Variants in ST8SIA6 observed in about 807,000 individuals in gnomAD.
ST8SIA6 encodes the protein ST8 alpha-N-acetyl-neuraminide alpha-2,8-sialyltransferase 6, also known as alpha-2,8-sialyltransferase 8F.
Under a neutral mutation model 33.6 loss-of-function variants are expected in ST8SIA6, and 39 were observed. The observed-to-expected ratio is 1.16, with a 90% CI of 0.90 to 1.52. The LOEUF is 1.52. Ranked by LOEUF, ST8SIA6 falls within the 40% of genes most tolerant of loss-of-function variation. The pLI, the probability that ST8SIA6 is intolerant of heterozygous loss-of-function variation, is 0.00. For missense variants in ST8SIA6, 441 were observed against 443.8 expected, an observed-to-expected ratio of 0.99 and a Z score of 0.06; for synonymous variants, 172 against 167.2, an observed-to-expected ratio of 1.03 and a Z score of -0.22.
Position 17,423,446 on chromosome 10 carries a change from C to G in ST8SIA6, c.200+30113G>C, listed in dbSNP as rs79633084. 2.0e-5 allele frequency among the ~76,000 whole-genome samples: 3 copies of G among 152,270 alleles called. No individual in the cohort carries two copies. In the East Asian group the frequency reaches 5.8e-4, roughly 29 times the overall value. On this transcript the variant is annotated intron_variant, in intron 2 of 7. Coordinates refer to ENST00000377602, the MANE Select transcript of ST8SIA6 (RefSeq NM_001004470.3). ...CAACTAGCTCCATGAGTCTAGAGAC[C>G]TCATGTCTGTTTGGTTCTTTGCATG...
intron 2 of ST8SIA6, among the ~76,000 whole-genome samples, chr10:17,403,934 G>T (rs947913685): frequency 6.6e-6 from 1 of 151,918 alleles, no homozygotes; most frequent in African/African-American, 2.4e-5. Flanking sequence ...GTGTGGTGGT[G>T]CATGCCTTTA....
Position 17,454,197 on chromosome 10 carries a change from AGC to A in ST8SIA6, c.57_58del (p.Leu20AlafsTer46). On this transcript the variant is annotated frameshift_variant, in exon 1 of 8. Transcript: ENST00000377602. LOFTEE classifies it high-confidence loss of function. This position sits in a 1 kb window ranked among gnomAD's most constrained non-coding sequence, Gnocchi z 4.1. ...GTCTGCCGGGCACCAGAGCAGGCGC[AGC>A]AGCAGCAGCAGCAGCAGGCTGGCGA... The A allele has an allele frequency of 4.4e-6, 1 of 227,594 alleles. No individual in the cohort carries two copies. Among genetic ancestry groups the A allele is most frequent in the South Asian group, 1.4e-4 (1 of 6,908 alleles). 14.1% of individuals were successfully genotyped at this position (227,594 alleles called of 1,614,324 possible). A position where few individuals can be genotyped will look rare whatever the true frequency, so the allele number is the denominator to read the frequency against.
intron 2 of ST8SIA6, among the ~76,000 whole-genome samples, chr10:17,420,929 A>G (rs948659163): frequency 6.6e-6 from 1 of 152,164 alleles, no homozygotes; most frequent in African/African-American, 2.4e-5. Flanking sequence ...GCAAAGGGGG[A>G]AGTGCCCACA....
At chr10:17,438,331 A>G (rs1264446062) in intron 2 of ST8SIA6, among the ~76,000 whole-genome samples, 1 of 152,336 alleles carries the variant, frequency 6.6e-6, no homozygotes, top group East Asian at 1.9e-4. Context: ...ATTAAACCGA[A>G]TCACCTAGAT....
chr10:17,407,973 A>G (rs1014091336), intron 2 of ST8SIA6: 5 of 152,640 alleles, frequency 3.3e-5, no homozygotes, highest in African/African-American at 1.2e-4. Context: ...TTCAGATAAA[A>G]ATCATAATAA....
chr10:17,390,801 A>AAAAAAC (rs887639791), intron 2 of ST8SIA6, among the ~76,000 whole-genome samples, 181 bp from the exon 3 acceptor site: 1 of 151,194 alleles, frequency 6.6e-6, no homozygotes, highest in Non-Finnish European at 1.5e-5. Flanking sequence ...GTCTAAATGA[A>AAAAAAC]AAAAAAAACA....
intron 5 of ST8SIA6, 60 bp from the exon 6 acceptor site, chr10:17,327,186 C>T (rs1332020560): frequency 3.1e-6 from 4 of 1,270,250 alleles, no homozygotes; most frequent in Non-Finnish European, 3.3e-6. Flanking sequence ...CCATAGACAA[C>T]AGCTTAATTC....
chr10:17,380,863 GTGTT>G (rs1177708747), intron 3 of ST8SIA6, among the ~76,000 whole-genome samples: 3 of 151,582 alleles, frequency 2.0e-5, no homozygotes, highest in East Asian at 1.9e-4. Context: ...TTGTGTGTAT[GTGTT>G]TGTATGTGTA....
At chr10:17,326,896 G>T in intron 6 of ST8SIA6, 118 bp downstream of exon 6, 1 of 655,470 alleles carries the variant, frequency 1.5e-6, no homozygotes, top group Non-Finnish European at 2.3e-6. Flanking sequence ...CGGGTAATTT[G>T]TAGACTTTTG....
intron 2 of ST8SIA6, among the ~76,000 whole-genome samples, chr10:17,414,607 C>T (rs751474654): frequency 3.3e-5 from 5 of 152,156 alleles, no homozygotes; most frequent in Admixed American, 6.5e-5. Flanking sequence ...TCGTTGGTAC[C>T]TGGTGAGGGC....
chr10:17,318,973 C>T lies in ST8SIA6; in HGVS notation c.*1905G>A, dbSNP rs115427071. ...GAAAATGTTAGGATTCAATGAGGCA[C>T]TGTGTCTTTTACTCCCTTTAGTTCT... is the stretch of plus-strand genomic sequence containing the variant. On this transcript the variant is annotated 3_prime_UTR_variant, in exon 8 of 8. Transcript: ENST00000377602. Among the ~76,000 whole-genome samples, 295 of 152,270 alleles carry T rather than the reference C, an allele frequency of 1.9e-3. 1 individual carries two copies. The highest frequency in any genetic ancestry group is 6.8e-3 in the African/African-American group (282 of 41,558).
chr10:17,334,111 T>C, intron 4 of ST8SIA6, among the ~76,000 whole-genome samples: 1 of 151,888 alleles, frequency 6.6e-6, no homozygotes, highest in East Asian at 1.9e-4. Flanking sequence ...TAAACACACT[T>C]AGGTAGGGAC....
chr10:17,424,172 C>T (rs988671012), intron 2 of ST8SIA6, among the ~76,000 whole-genome samples: 1 of 150,616 alleles, frequency 6.6e-6, no homozygotes, highest in South Asian at 2.1e-4. Context: ...GGTGCAATCT[C>T]AGCTCACTGC....
At chr10:17,429,849 A>G (rs572581411) in intron 2 of ST8SIA6, among the ~76,000 whole-genome samples, 13 of 152,158 alleles carry the variant, frequency 8.5e-5, no homozygotes, top group African/African-American at 2.4e-4. Context: ...AGCATCTGGT[A>G]CCTTCTTCTA....
intron 2 of ST8SIA6, among the ~76,000 whole-genome samples, chr10:17,399,376 G>C (rs1850948532): frequency 6.6e-6 from 1 of 152,108 alleles, no homozygotes; most frequent in Non-Finnish European, 1.5e-5. Flanking sequence ...TCTATGTTTT[G>C]GTGAATGCCA....
chr10:17,376,992 CAT>C (rs2131638992), intron 3 of ST8SIA6, among the ~76,000 whole-genome samples: 1 of 152,316 alleles, frequency 6.6e-6, no homozygotes, highest in Admixed American at 6.5e-5. Flanking sequence ...GCTAAGCCAT[CAT>C]ATCCCCTGTG....
At chr10:17,399,655 A>G (rs765364764) in intron 2 of ST8SIA6, among the ~76,000 whole-genome samples, 6 of 152,094 alleles carry the variant, frequency 3.9e-5, no homozygotes, top group Non-Finnish European at 7.4e-5. Context: ...GGTGGCTTAC[A>G]CCTGTAATCC....
At chr10:17,453,523 C>T in intron 2 of ST8SIA6, 36 bp downstream of exon 2, 2 of 1,274,662 alleles carry the variant, frequency 1.6e-6, no homozygotes, top group South Asian at 2.9e-5. Flanking sequence ...TCGCAGCTCC[C>T]GAGCCCCAGT....
intron 2 of ST8SIA6, among the ~76,000 whole-genome samples, chr10:17,426,360 G>C (rs1012568017): frequency 5.9e-5 from 9 of 152,282 alleles, no homozygotes; most frequent in African/African-American, 2.2e-4. Flanking sequence ...ATAAGGAAAT[G>C]CATGTCATAA....
Sources: allele counts gnomAD v4.1 joint callset (sites outside exome capture counted in the v4.1 genomes callset), GRCh38; gene constraint gnomAD v4.1.1; non-coding constraint Gnocchi (gnomAD v3.1); transcripts MANE v1.5; gene names NCBI Gene and HGNC (gene_info 2026-07-23, HGNC 2026-07-21).